The following PFN4 variants were observed in gnomAD, a reference collection of about 807,000 sequenced individuals.
The protein encoded by PFN4 is profilin-4.
PFN4 carries 10 observed loss-of-function variants against 16.3 expected under a neutral mutation model. The ratio of observed to expected loss-of-function variants is 0.61; its 90% confidence interval spans 0.38 to 1.04. The LOEUF (loss-of-function observed/expected upper bound fraction) is 1.04. Among genes scored for constraint, PFN4 ranks in the 50% least tolerant of loss-of-function variants. The pLI is 0.01. For synonymous variants in PFN4, 54 were observed against 56.9 expected, an observed-to-expected ratio of 0.95 and a Z score of 0.23; for missense variants, 136 against 153.6, an observed-to-expected ratio of 0.89 and a Z score of 0.61.
intron 4 of PFN4, among the ~76,000 whole-genome samples, chr2:24,117,005 C>A (rs1665939067): frequency 6.7e-6 from 1 of 149,052 alleles, no homozygotes; most frequent in Non-Finnish European, 1.5e-5. Context: ...ATTTTAAAAA[C>A]AATCCTGCAT....
chr2:24,119,490 G>T, intron 4 of PFN4, 87 bp downstream of exon 4: 1 of 918,116 alleles, frequency 1.1e-6, no homozygotes, highest in Non-Finnish European at 1.7e-6. Flanking sequence ...TTCTGCCCTA[G>T]CTGGTTTGAG....
intron 4 of PFN4, among the ~76,000 whole-genome samples, chr2:24,116,095 G>A (rs1422835930): frequency 6.6e-6 from 1 of 152,018 alleles, no homozygotes; most frequent in Non-Finnish European, 1.5e-5. Context: ...TTGGGAGGCC[G>A]AGGTGGGTTG....
intron 2 of PFN4, 51 bp downstream of exon 2, chr2:24,122,368 A>C (rs529152056): frequency 7.5e-7 from 1 of 1,325,050 alleles, no homozygotes; most frequent in Admixed American, 2.0e-5. Flanking sequence ...TTTTGGAAGA[A>C]TAGAAATAAT....
intron 4 of PFN4, among the ~76,000 whole-genome samples, chr2:24,115,969 G>A (rs1665904872): frequency 6.6e-6 from 1 of 150,754 alleles, no homozygotes; most frequent in Non-Finnish European, 1.5e-5. Context: ...CAGGGTGAGA[G>A]AGGGCTCAGG....
chr2:24,120,408 C>T (rs1474633082), intron 3 of PFN4, among the ~76,000 whole-genome samples: 3 of 152,160 alleles, frequency 2.0e-5, no homozygotes, highest in African/African-American at 7.2e-5. Flanking sequence ...GTTATTTAAC[C>T]TTGTTAAGCC....
chr2:24,116,061 G>A (rs1300700007), intron 4 of PFN4, among the ~76,000 whole-genome samples: 1 of 152,128 alleles, frequency 6.6e-6, no homozygotes, highest in African/African-American at 2.4e-5. Context: ...AAGTGTGGTG[G>A]CTCATATCTG....
chr2:24,121,138 C>G, intron 3 of PFN4, 25 bp downstream of exon 3: 1 of 1,613,100 alleles, frequency 6.2e-7, no homozygotes, highest in Non-Finnish European at 8.5e-7. Context: ...TTTTACTCAG[C>G]TCTCTTCAAA....
chr2:24,122,244 A>G (rs1347185930), intron 2 of PFN4, among the ~76,000 whole-genome samples, 175 bp downstream of exon 2: 1 of 152,016 alleles, frequency 6.6e-6, no homozygotes, highest in Non-Finnish European at 1.5e-5. Context: ...AGGCTCAAGA[A>G]TCGCTTGAGA....
intron 1 of PFN4, 151 bp from the exon 2 acceptor site, chr2:24,122,698 G>C (rs893690078): frequency 1.8e-6 from 1 of 541,686 alleles, no homozygotes. Context: ...CCATCATTCA[G>C]GGCCCACCAG....
chr2:24,120,702 C>T (rs1206311096), intron 3 of PFN4, among the ~76,000 whole-genome samples: 2 of 146,390 alleles, frequency 1.4e-5, no homozygotes, highest in East Asian at 1.9e-4. Flanking sequence ...ATTACAAGGG[C>T]GCACCACACC....
intron 3 of PFN4, 81 bp downstream of exon 3, chr2:24,121,082 A>G (rs1186885035): frequency 1.3e-6 from 2 of 1,535,420 alleles, no homozygotes; most frequent in African/African-American, 2.7e-5. Flanking sequence ...TCTGTTTTAC[A>G]GAAAGGATCA....
At chr2:24,116,054 T>C (rs1380814137) in intron 4 of PFN4, among the ~76,000 whole-genome samples, 1 of 152,016 alleles carries the variant, frequency 6.6e-6, no homozygotes, top group Non-Finnish European at 1.5e-5. Flanking sequence ...TACGGCCAAG[T>C]GTGGTGGCTC....
chr2:24,120,746 G>C (rs182310799), intron 3 of PFN4, among the ~76,000 whole-genome samples: 169 of 152,060 alleles, frequency 1.1e-3, no homozygotes, highest in Non-Finnish European at 1.9e-3. Flanking sequence ...GTAGAAACAG[G>C]GTTTCACCAT....
intron 3 of PFN4, 70 bp from the exon 4 acceptor site, chr2:24,119,752 T>C: frequency 8.7e-7 from 1 of 1,154,484 alleles, no homozygotes; most frequent in East Asian, 2.3e-5. Flanking sequence ...ATGCTCCAGC[T>C]ACGTTTTTCA....
intron 3 of PFN4, among the ~76,000 whole-genome samples, chr2:24,120,276 AAAAC>A (rs958982124): frequency 1.5e-5 from 2 of 137,482 alleles, no homozygotes; most frequent in Non-Finnish European, 3.3e-5. Context: ...CTCAAAAAAA[AAAAC>A]AACAACAAAA....
At position 24,121,151 on chromosome 2, in the gene PFN4, T is replaced by C. The variant is rs999139839; in HGVS notation, c.255+12A>G. ...TCTTTTACTCAGCTCTCTTCAAATC[T>C]TGAGCACTCACATTTTTGGCATAAA... is the stretch of plus-strand genomic sequence containing the variant. On this transcript the variant is annotated intron_variant, in intron 3 of 4. Transcript: ENST00000313213. 1.9e-6 allele frequency: 3 copies of C among 1,613,872 alleles called. No individual in the cohort carries two copies. Among genetic ancestry groups the C allele is most frequent in the African/African-American group, 2.7e-5 (2 of 74,942 alleles).
At chr2:24,119,419 G>A (rs1463742129) in intron 4 of PFN4, among the ~76,000 whole-genome samples, 158 bp downstream of exon 4, 1 of 152,178 alleles carries the variant, frequency 6.6e-6, no homozygotes, top group Admixed American at 6.5e-5. Flanking sequence ...TGGCTCAGCT[G>A]CACCCTGTCC....
At position 24,115,331 on chromosome 2, in the gene PFN4, T is replaced by C. The variant is rs1665879276; in HGVS notation, c.*252A>G. 2 of 467,420 alleles carry C rather than the reference T, an allele frequency of 4.3e-6. No homozygotes were observed. The highest frequency in any genetic ancestry group is 5.2e-5 in the South Asian group (2 of 38,542). The allele number at this position is 467,420 out of a possible 1,614,324, so 29.0% of individuals were successfully genotyped here. The stretch of plus-strand genomic sequence containing the variant: ...AGCCTCACAGAAAGGAGCCTCCCAA[T>C]AGATATGCTCTGTGAAATGATCAGT... On this transcript the variant is annotated 3_prime_UTR_variant, in exon 5 of 5. Coordinates refer to ENST00000313213, the MANE Select transcript of PFN4 (RefSeq NM_199346.3).
At chr2:24,116,883 AAAAAAG>A (rs1220180632) in intron 4 of PFN4, among the ~76,000 whole-genome samples, 2 of 148,580 alleles carry the variant, frequency 1.3e-5, no homozygotes, top group Non-Finnish European at 3.0e-5. Context: ...TCTCAAAAAA[AAAAAAG>A]AAAAAGAAAA....
Sources: allele counts gnomAD v4.1 joint callset (sites outside exome capture counted in the v4.1 genomes callset), GRCh38; gene constraint gnomAD v4.1.1; transcripts MANE v1.5; gene names NCBI Gene and HGNC (gene_info 2026-07-23, HGNC 2026-07-21).